The following MACROD2 variants were observed in gnomAD, a reference collection of about 807,000 sequenced individuals.
MACROD2 encodes ADP-ribose glycohydrolase MACROD2.
In MACROD2, 36 loss-of-function variants were observed where a neutral mutation model predicts 70.4. That is an observed-to-expected ratio of 0.51 (90% CI 0.39 to 0.68). The LOEUF (loss-of-function observed/expected upper bound fraction) is 0.68. Among genes scored for constraint, MACROD2 ranks in the 30% least tolerant of loss-of-function variants. MACROD2 has a pLI of 0.00. For missense variants in MACROD2, 496 were observed against 538.4 expected, an observed-to-expected ratio of 0.92 and a Z score of 0.78; for synonymous variants, 172 against 178.8, an observed-to-expected ratio of 0.96 and a Z score of 0.30.
chr20:15,383,749 T>G (rs2045674796), intron 6 of MACROD2, among the ~76,000 whole-genome samples: 1 of 152,234 alleles, frequency 6.6e-6, no homozygotes, highest in African/African-American at 2.4e-5. Context: ...TGAAAACAAT[T>G]GATAAGTTTC....
intron 6 of MACROD2, among the ~76,000 whole-genome samples, chr20:15,237,637 A>T (rs1028390797): frequency 6.6e-6 from 1 of 151,870 alleles, no homozygotes; most frequent in Non-Finnish European, 1.5e-5. Context: ...AGGAGTGGGG[A>T]TGTGAGGAAG....
chr20:16,026,867 C>G (rs1255739743), intron 15 of MACROD2, among the ~76,000 whole-genome samples: 2 of 152,136 alleles, frequency 1.3e-5, no homozygotes. Context: ...TTTGACTTCT[C>G]CTTAGCCAAA....
intron 6 of MACROD2, among the ~76,000 whole-genome samples, chr20:15,327,053 G>A (rs183911244): frequency 5.3e-5 from 8 of 152,186 alleles, no homozygotes; most frequent in South Asian, 2.1e-4. Context: ...TACATTTTAC[G>A]TAATACAGAA....
At chr20:14,845,436 A>G (rs940437482) in intron 5 of MACROD2, among the ~76,000 whole-genome samples, 10 of 151,820 alleles carry the variant, frequency 6.6e-5, no homozygotes, top group African/African-American at 2.2e-4. Context: ...TCATTCTGAC[A>G]CTCTTTTGAG....
intron 4 of MACROD2, among the ~76,000 whole-genome samples, chr20:14,684,159 C>T (rs2070969992): frequency 6.6e-6 from 1 of 152,148 alleles, no homozygotes; most frequent in African/African-American, 2.4e-5. Flanking sequence ...CTGCTTCAGG[C>T]CGTGCCAAGT....
At chr20:14,845,469 C>T (rs1167075219) in intron 5 of MACROD2, among the ~76,000 whole-genome samples, 1 of 151,988 alleles carries the variant, frequency 6.6e-6, no homozygotes, top group African/African-American at 2.4e-5. Context: ...TCAATGTCCA[C>T]CCTCTCACAA....
At chr20:15,935,742 CAACAACCAATAAA>C (rs2065648511) in intron 11 of MACROD2, among the ~76,000 whole-genome samples, 1 of 152,084 alleles carries the variant, frequency 6.6e-6, no homozygotes, top group South Asian at 2.1e-4. Flanking sequence ...AAGAATAAAC[CAACAACCAATAAA>C]AACAACATCT....
chr20:15,540,198 T>TG (rs1296884311), intron 8 of MACROD2, among the ~76,000 whole-genome samples: 1 of 152,094 alleles, frequency 6.6e-6, no homozygotes, highest in African/African-American at 2.4e-5. Context: ...TGCTTGAATG[T>TG]GGGGAAGTAG....
At chr20:15,676,577 G>T (rs1266014862) in intron 8 of MACROD2, among the ~76,000 whole-genome samples, 2 of 152,062 alleles carry the variant, frequency 1.3e-5, no homozygotes, top group Non-Finnish European at 2.9e-5. Context: ...ATCAAAACCA[G>T]AACTCTTGTT....
chr20:15,721,610 G>C (rs1020842534), intron 8 of MACROD2, among the ~76,000 whole-genome samples: 1 of 152,052 alleles, frequency 6.6e-6, no homozygotes, highest in African/African-American at 2.4e-5. Context: ...CTAAGTTAAT[G>C]TAAATAATCA....
chr20:14,516,417 G>T (rs1425674780), intron 4 of MACROD2, among the ~76,000 whole-genome samples: 1 of 152,074 alleles, frequency 6.6e-6, no homozygotes, highest in Non-Finnish European at 1.5e-5. Flanking sequence ...TTTTCTTCTA[G>T]GGTTTTTATG....
Position 15,644,758 on chromosome 20 carries a change from C to T in MACROD2, c.645+144911C>T, listed in dbSNP as rs191649739. 5.1e-4 allele frequency among the ~76,000 whole-genome samples: 77 copies of T among 152,242 alleles called. No homozygotes were observed. The South Asian group carries it at 0.013, about 27-fold the overall frequency. On this transcript the variant is annotated intron_variant, in intron 8 of 17. Transcript: ENST00000684519. Reference sequence around the variant, plus strand: ...AGGCTGGAGTACAATGGCACGGTCTCGGCTCAGTGCAACCTCCGCCTCCCA... The same window carrying T: ...AGGCTGGAGTACAATGGCACGGTCTTGGCTCAGTGCAACCTCCGCCTCCCA...
chr20:15,430,802 A>T (rs935608210), intron 6 of MACROD2, among the ~76,000 whole-genome samples: 1 of 151,988 alleles, frequency 6.6e-6, no homozygotes, highest in African/African-American at 2.4e-5. Flanking sequence ...TCTTTATTAT[A>T]CATTCTAAAT....
chr20:14,458,292 C>T (rs1568620847), intron 3 of MACROD2, among the ~76,000 whole-genome samples: 1 of 151,968 alleles, frequency 6.6e-6, no homozygotes, highest in Non-Finnish European at 1.5e-5. Flanking sequence ...CATATTTTAA[C>T]ATATTTCAAC....
intron 3 of MACROD2, among the ~76,000 whole-genome samples, chr20:14,272,964 C>A (rs1003807465): frequency 6.6e-6 from 1 of 151,554 alleles, no homozygotes; most frequent in South Asian, 2.1e-4. Flanking sequence ...TATATATGCA[C>A]CCAATACAGG....
rs1171148119 is a variant in MACROD2 at position 15,914,918 on chromosome 20, A to C, written c.776-18358A>C. ...TCACAGAGCTCAGGGAAAACAATTTACTTACTGCTACCAGTTAATTACAAA... is the reference window on the plus strand; with the variant it reads ...TCACAGAGCTCAGGGAAAACAATTTCCTTACTGCTACCAGTTAATTACAAA... On this transcript the variant is annotated intron_variant, in intron 10 of 17. Transcript: ENST00000684519. 2.9e-5 allele frequency among the ~76,000 whole-genome samples: 4 copies of C among 138,516 alleles called. No homozygotes were observed. In the Admixed American group the frequency reaches 3.0e-4, roughly 10 times the overall value. 90.9% of individuals were successfully genotyped at this position (138,516 alleles called of 152,430 possible). A position where few individuals can be genotyped will look rare whatever the true frequency, so the allele number is the denominator to read the frequency against.
At chr20:15,358,623 A>G (rs956831364) in intron 6 of MACROD2, among the ~76,000 whole-genome samples, 1 of 152,184 alleles carries the variant, frequency 6.6e-6, no homozygotes, top group East Asian at 1.9e-4. Flanking sequence ...CTTAAAAGTT[A>G]TCTTAGCTTG....
At chr20:15,930,295 T>C (rs1291247765) in intron 10 of MACROD2, among the ~76,000 whole-genome samples, 1 of 152,216 alleles carries the variant, frequency 6.6e-6, no homozygotes, top group Admixed American at 6.5e-5. Flanking sequence ...ACTGTGTTAA[T>C]GTGCCTTGCT....
rs111772643 is a variant in MACROD2 at position 15,490,131 on chromosome 20, TTTCCTTCC to T, written c.572-9613_572-9606del. Among the ~76,000 whole-genome samples, 1,208 of 141,850 alleles carry T rather than the reference TTTCCTTCC, an allele frequency of 8.5e-3. 16 individuals carry two copies. Among genetic ancestry groups the T allele is most frequent in the African/African-American group, 0.028 (1,060 of 37,470 alleles). The allele number at this position is 141,850 out of a possible 152,430, so 93.1% of individuals were successfully genotyped here. A position where few individuals can be genotyped will look rare whatever the true frequency, so the allele number is the denominator to read the frequency against. ...ACCATACTTTGCACACCTCTTGGCA[TTTCCTTCC>T]TTCCTTCCTTCCTTCCTTCCTTCCT... is the stretch of plus-strand genomic sequence containing the variant. On this transcript the variant is annotated intron_variant, in intron 7 of 17. Transcript: ENST00000684519.
Sources: allele counts gnomAD v4.1 joint callset (sites outside exome capture counted in the v4.1 genomes callset), GRCh38; gene constraint gnomAD v4.1.1; transcripts MANE v1.5; gene names NCBI Gene and HGNC (gene_info 2026-07-23, HGNC 2026-07-21).